HSPA8: variants seen among roughly 807,000 people sequenced by gnomAD.
HSPA8 encodes heat shock protein family A (Hsp70) member 8.
A neutral mutation model predicts 52.8 loss-of-function variants in HSPA8; 2 were observed. The observed-to-expected ratio is 0.04, with a 90% CI of 0.02 to 0.12. The LOEUF is 0.12. Ranked by LOEUF, HSPA8 falls within the 10% of genes least tolerant of loss-of-function variation. The pLI is 1.00. For missense variants in HSPA8, 349 were observed against 800.5 expected (o/e 0.44, Z 6.81); for synonymous variants, 436 against 274.0 (o/e 1.59, Z -5.84).
chr11:123,059,348 C>CGTACATAGCTCCTGTTTT, intron 5 of HSPA8, 87 bp from the exon 6 acceptor site: 1 of 1,384,980 alleles, frequency 7.2e-7, no homozygotes, highest in Non-Finnish European at 1.0e-6. Flanking sequence ...CTCAGACATC[C>CGTACATAGCTCCTGTTTT]AAGGAAGGTG....
intron 6 of HSPA8, 114 bp downstream of exon 6, chr11:123,058,945 A>G: frequency 1.4e-6 from 2 of 1,399,982 alleles, no homozygotes; most frequent in South Asian, 2.4e-5. Context: ...GGCCAACATA[A>G]GACTTTCTGG....
At position 123,057,580 on chromosome 11, in the gene HSPA8, C is replaced by A. The variant is rs1199458308; in HGVS notation, c.*154G>T. The A allele has an allele frequency of 3.0e-5, 17 of 567,418 alleles. No homozygotes were observed. The highest frequency in any genetic ancestry group is 3.7e-5 in the Non-Finnish European group (12 of 322,176). The allele number at this position is 567,418 out of a possible 1,614,324, so 35.1% of individuals were successfully genotyped here. On this transcript the variant is annotated 3_prime_UTR_variant, in exon 9 of 9. Transcript: ENST00000534624. The stretch of plus-strand genomic sequence containing the variant: ...TATAAAGTGCAATGTTATTTCCTTC[C>A]CCTGTGCATATGTTCCATATTCAAG...
intron 4 of HSPA8, 43 bp downstream of exon 4, chr11:123,060,073 T>TA (rs1865446564): frequency 6.2e-7 from 1 of 1,613,920 alleles, no homozygotes; most frequent in Admixed American, 1.7e-5. Flanking sequence ...TGGATCAAAT[T>TA]AATCTTAAAA....
In HSPA8 at chr11:123,058,642, A is replaced by T. The variant is rs1383075976; in HGVS notation, c.1512T>A (p.Thr504=). 1 of 1,612,262 alleles carries T rather than the reference A, an allele frequency of 6.2e-7. No homozygotes were observed. Among genetic ancestry groups the T allele is most frequent in the African/African-American group, 1.3e-5 (1 of 74,878 alleles). The change falls in exon 7 of 9, where the codon ACT becomes ACA. Residue 504 remains threonine, a synonymous_variant. Coordinates refer to ENST00000534624, the MANE Select transcript of HSPA8 (RefSeq NM_006597.6). ...ACAGTGCCTCCTTACCCTTGTCATTAGTGATAGTAATCTTGTTCTCTTTTC... is the reference window on the plus strand; with the variant it reads ...ACAGTGCCTCCTTACCCTTGTCATTTGTGATAGTAATCTTGTTCTCTTTTC... ...STGKENKITI[T]NDKGRLSKED... is the part of the protein sequence containing the mutation.
At chr11:123,060,384 G>T in intron 3 of HSPA8, 116 bp from the exon 4 acceptor site, 2 of 1,047,382 alleles carry the variant, frequency 1.9e-6, no homozygotes, top group Non-Finnish European at 2.9e-6. Flanking sequence ...CCACCAAAAT[G>T]TAAATTACTG....
At chr11:123,061,637 C>T (rs888501154) in intron 1 of HSPA8, 12 of 427,076 alleles carry the variant, frequency 2.8e-5, no homozygotes, top group African/African-American at 2.4e-4. Flanking sequence ...GCCAGTGCCC[C>T]CGGGAGTCAA....
At position 123,061,332 on chromosome 11, in the gene HSPA8, G is replaced by A. The variant is rs923013571; in HGVS notation, c.-5-3C>T. ...TGCAGGTCCCTTGGACATGGTTGCT[G>A]AAAAAAAGAAAAATCTGGTTTAAAA... On this transcript the variant is annotated splice_region_variant and splice_polypyrimidine_tract_variant and intron_variant, in intron 1 of 8. Coordinates refer to ENST00000534624, the MANE Select transcript of HSPA8 (RefSeq NM_006597.6). 3 of 1,603,164 alleles carry A rather than the reference G, an allele frequency of 1.9e-6. No individual in the cohort carries two copies. The highest frequency in any genetic ancestry group is 1.3e-5 in the African/African-American group (1 of 74,414).
intron 1 of HSPA8, 92 bp from the exon 2 acceptor site, chr11:123,061,421 G>A (rs750885285): frequency 5.2e-6 from 5 of 955,394 alleles, no homozygotes; most frequent in South Asian, 1.5e-5. Flanking sequence ...AAAACGTATG[G>A]CCACTGCCAA....
rs757755949 is a variant in HSPA8 at position 123,060,158 on chromosome 11, A to G, written c.522T>C (p.Asn174=). 4.3e-6 allele frequency: 7 copies of G among 1,613,978 alleles called. No individual in the cohort carries two copies. The highest frequency in any genetic ancestry group is 1.3e-5 in the African/African-American group (1 of 74,918). ...AAGCAATAGCAGCAGCAGTTGGCTC[A>G]TTAATAATTCTAAGTACATTGAGAC... ...IAGLNVLRII[N]EPTAAAIAYG... is the part of the protein sequence containing the mutation. The change falls in exon 4 of 9, where the codon AAT becomes AAC. Residue 174 remains asparagine, a synonymous_variant. Transcript: ENST00000534624.
intron 7 of HSPA8, 67 bp from the exon 8 acceptor site, chr11:123,058,551 TTAGC>T (rs370356082): frequency 8.9e-6 from 14 of 1,571,050 alleles, no homozygotes; most frequent in African/African-American, 8.1e-5. Flanking sequence ...CTAGTTTCTC[TTAGC>T]TAGACGCCCT....
chr11:123,060,247 T>A lies in HSPA8; in HGVS notation c.433A>T (p.Thr145Ser). ...GAGTCATTAAAGTAAGCTGGCACTGTGACCACAGCATTGGTAACAGTCTAG... is the reference window on the plus strand; with the variant it reads ...GAGTCATTAAAGTAAGCTGGCACTGAGACCACAGCATTGGTAACAGTCTAG... Reference protein sequence around the residue: ...LGKTVTNAVVTVPAYFNDSQR... With the variant: ...LGKTVTNAVVSVPAYFNDSQR... The change falls in exon 4 of 9, where the codon ACA becomes TCA. Residue 145 changes from threonine to serine, a missense_variant. Thr to Ser is a moderately conservative substitution (Grantham distance 58). Transcript: ENST00000534624. 1 of 1,613,822 alleles carries A rather than the reference T, an allele frequency of 6.2e-7. No homozygotes were observed. The highest frequency in any genetic ancestry group is 8.5e-7 in the Non-Finnish European group (1 of 1,179,970).
At position 123,059,239 on chromosome 11, in the gene HSPA8, A is replaced by C; in HGVS notation, c.1143T>G (p.Ser381=). The C allele has an allele frequency of 6.2e-7, 1 of 1,613,192 alleles. No homozygotes were observed. The highest frequency in any genetic ancestry group is 1.1e-5 in the South Asian group (1 of 91,024). The change falls in exon 6 of 9, where the codon TCT becomes TCG. Residue 381 remains serine, a synonymous_variant. Coordinates refer to ENST00000534624, the MANE Select transcript of HSPA8 (RefSeq NM_006597.6). ...CTTGAACATTCTCAGACTTGTCTCC[A>C]GACAAGATGGCTGCCTGGACAGCTA... The part of the protein sequence containing the change: ...YGAAVQAAIL[S]GDKSENVQDL...
intron 5 of HSPA8, 87 bp from the exon 6 acceptor site, chr11:123,059,348 C>T: frequency 1.4e-6 from 2 of 1,384,980 alleles, no homozygotes; most frequent in Admixed American, 1.8e-5. Flanking sequence ...CTCAGACATC[C>T]AAGGAAGGTG....
intron 1 of HSPA8, 61 bp from the exon 2 acceptor site, chr11:123,061,390 T>A (rs1865495200): frequency 7.8e-7 from 1 of 1,285,684 alleles, no homozygotes; most frequent in Non-Finnish European, 1.1e-6. Flanking sequence ...CCTCATCCCT[T>A]AACAGAACAC....
At chr11:123,058,025 A>AGG in intron 8 of HSPA8, 106 bp from the exon 9 acceptor site, 2 of 887,602 alleles carry the variant, frequency 2.3e-6, no homozygotes, top group Non-Finnish European at 1.7e-6. Flanking sequence ...CTCTTACAAG[A>AGG]GGGCCACTAC....
chr11:123,061,146 G>A lies in HSPA8; in HGVS notation c.179C>T (p.Ala60Val). The A allele has an allele frequency of 6.2e-7, 1 of 1,613,744 alleles. No homozygotes were observed. The highest frequency in any genetic ancestry group is 8.5e-7 in the Non-Finnish European group (1 of 1,179,790). The change falls in exon 2 of 9, where the codon GCA becomes GTA. Residue 60 changes from alanine (A) to valine (V), a missense_variant. Ala to Val is a moderately conservative substitution (Grantham distance 64). Transcript: ENST00000534624. ...AAAAACTGTGTTGGTGGGGTTCATT[G>A]CAACTTGATTCTTTGCGGCATCACC... ...LIGDAAKNQV[A>V]MNPTNTVFDA...
intron 6 of HSPA8, 39 bp from the exon 7 acceptor site, chr11:123,058,869 A>AG: frequency 6.3e-7 from 1 of 1,586,070 alleles, no homozygotes; most frequent in Non-Finnish European, 8.7e-7. Flanking sequence ...AATGGACTCC[A>AG]GGTCTGTGAC....
rs563919080 is a variant in HSPA8 at position 123,062,096 on chromosome 11, A to C, written c.-38T>G. The C allele has an allele frequency of 1.3e-5, 2 of 152,800 alleles. No individual in the cohort carries two copies. Among genetic ancestry groups the C allele is most frequent in the Non-Finnish European group, 2.9e-5 (2 of 68,594 alleles). 9.5% of individuals were successfully genotyped at this position (152,800 alleles called of 1,614,324 possible). ...GTAGGCCTGGCTCCAATAACGAAGG[A>C]AGCCACAAAAAACCCAAGAGCTGCA... On this transcript the variant is annotated 5_prime_UTR_variant, in exon 1 of 9. Coordinates refer to ENST00000534624, the MANE Select transcript of HSPA8 (RefSeq NM_006597.6).
rs763116637 is a variant in HSPA8 at position 123,059,592 on chromosome 11, A to G, written c.1001T>C (p.Ile334Thr). Residue 334 changes from isoleucine (I) to threonine (T), a missense_variant, in exon 5 of 9, where the codon ATT (isoleucine) becomes ACT (threonine). Physicochemically the swap from Ile to Thr is moderately conservative, Grantham distance 89. Transcript: ENST00000534624. ...ACGAGTAGAACCACCAACCAGGACAATATCATGAATCTGTGACTTGTCTAG... is the reference window on the plus strand; with the variant it reads ...ACGAGTAGAACCACCAACCAGGACAGTATCATGAATCTGTGACTTGTCTAG... ...AKLDKSQIHD[I>T]VLVGGSTRIP... is the part of the protein sequence containing the mutation. 5 of 1,614,126 alleles carry G rather than the reference A, an allele frequency of 3.1e-6. No individual in the cohort carries two copies. Among genetic ancestry groups the G allele is most frequent in the East Asian group, 4.5e-5 (2 of 44,888 alleles).
Sources: gnomAD v4.1 joint callset for allele counts on GRCh38, gnomAD v4.1.1 for gene constraint, MANE v1.5 for transcripts, NCBI Gene and HGNC (gene_info 2026-07-23, HGNC 2026-07-21) for gene names.